KDM2B: variants seen among roughly 807,000 people sequenced by gnomAD.
KDM2B encodes the protein lysine-specific demethylase 2B.
Under a neutral mutation model 150.0 loss-of-function variants are expected in KDM2B, and 26 were observed. The ratio of observed to expected loss-of-function variants is 0.17; its 90% CI spans 0.13 to 0.24. KDM2B has a LOEUF of 0.24. Among genes scored for constraint, KDM2B ranks in the 10% least tolerant of loss-of-function variants. The pLI is 1.00. For missense variants in KDM2B, 1,265 were observed against 1,816.9 expected, an observed-to-expected ratio of 0.70 and a Z score of 5.52; for synonymous variants, 734 against 729.5, an observed-to-expected ratio of 1.01 and a Z score of -0.10.
chr12:121,525,545 C>T (rs959866982), intron 8 of KDM2B, among the ~76,000 whole-genome samples: 1 of 152,166 alleles, frequency 6.6e-6, no homozygotes, highest in African/African-American at 2.4e-5. Context: ...GCCACCGTGC[C>T]ACGCCAGTAC....
At chr12:121,447,191 A>G (rs1235461571) in intron 13 of KDM2B, among the ~76,000 whole-genome samples, 2 of 152,126 alleles carry the variant, frequency 1.3e-5, no homozygotes, top group Non-Finnish European at 2.9e-5. Context: ...TCCCTCCAAA[A>G]CAACATATCA....
At chr12:121,580,364 G>C in intron 1 of KDM2B, 3 of 1,133,088 alleles carry the variant, frequency 2.6e-6, no homozygotes, top group Non-Finnish European at 3.3e-6. Flanking sequence ...GGGCTTGGGG[G>C]GGTGGGGGCG....
At chr12:121,516,436 CG>C (rs781953628) in intron 9 of KDM2B, 1 of 1,271,666 alleles carries the variant, frequency 7.9e-7, no homozygotes, top group Non-Finnish European at 1.0e-6. Context: ...GAGAGGACTG[CG>C]GGAAACAAAA....
chr12:121,547,787 C>T (rs537486358), intron 6 of KDM2B, among the ~76,000 whole-genome samples: 31 of 151,840 alleles, frequency 2.0e-4, no homozygotes, highest in South Asian at 1.2e-3. Flanking sequence ...GAATTACAGG[C>T]GTGCACCACC....
intron 8 of KDM2B, among the ~76,000 whole-genome samples, chr12:121,529,556 G>T (rs953653269): frequency 2.6e-5 from 4 of 152,074 alleles, no homozygotes; most frequent in Non-Finnish European, 5.9e-5. Flanking sequence ...CAAGTACCAC[G>T]AATCTCAGAT....
intron 12 of KDM2B, among the ~76,000 whole-genome samples, chr12:121,456,037 C>T (rs1233590402): frequency 6.6e-6 from 1 of 152,228 alleles, no homozygotes. Flanking sequence ...CTGCGGGCAC[C>T]GTGGCCATCA....
intron 11 of KDM2B, among the ~76,000 whole-genome samples, chr12:121,506,145 G>A (rs1437810244): frequency 6.6e-6 from 1 of 151,814 alleles, no homozygotes; most frequent in Non-Finnish European, 1.5e-5. Flanking sequence ...GAGCAGCTGG[G>A]GCTACAGGCG....
At chr12:121,543,948 C>T (rs1888809923) in intron 6 of KDM2B, among the ~76,000 whole-genome samples, 1 of 151,812 alleles carries the variant, frequency 6.6e-6, no homozygotes, top group Non-Finnish European at 1.5e-5. Context: ...CATGGCGAAA[C>T]CCCATATCTA....
chr12:121,461,244 T>TGACACATTCAAGGAACTGCAAATAGCTC (rs1879079320), intron 12 of KDM2B, among the ~76,000 whole-genome samples: 1 of 152,104 alleles, frequency 6.6e-6, no homozygotes, highest in Non-Finnish European at 1.5e-5. Flanking sequence ...TGAAACTGCG[T>TGACACATTCAAGGAACTGCAAATAGCTC]GACACATTCA....
At position 121,430,600 on chromosome 12, in the gene KDM2B, AAAT is replaced by A. The variant is rs1360407485; in HGVS notation, c.3830-134_3830-132del. ...ATTCCAGTCCCTGCTGTGCTGCACT[AAAT>A]AAAATGTTATTTGCTTAAAATCTCT... On this transcript the variant is annotated intron_variant, in intron 22 of 22. Transcript: ENST00000377071. This position sits in a 1 kb window ranked among gnomAD's most constrained non-coding sequence, Gnocchi z 4.4. The A allele has an allele frequency of 3.3e-5, 22 of 667,892 alleles. No individual in the cohort carries two copies. In the East Asian group the frequency reaches 5.5e-4, roughly 17 times the overall value. The allele number at this position is 667,892 out of a possible 1,614,324, so 41.4% of individuals were successfully genotyped here.
intron 6 of KDM2B, chr12:121,536,224 G>A (rs967428731): frequency 1.7e-5 from 6 of 355,172 alleles, no homozygotes; most frequent in Admixed American, 6.5e-5. Context: ...TGGACCGGGG[G>A]CTCAGCAGTA....
intron 8 of KDM2B, among the ~76,000 whole-genome samples, chr12:121,531,627 G>C (rs1236505591): frequency 6.6e-6 from 1 of 152,182 alleles, no homozygotes; most frequent in Non-Finnish European, 1.5e-5. Flanking sequence ...CTCCTTTCAG[G>C]AGACAATCCT....
At chr12:121,451,051 G>A (rs1185661761) in intron 13 of KDM2B, among the ~76,000 whole-genome samples, 1 of 152,052 alleles carries the variant, frequency 6.6e-6, no homozygotes, top group East Asian at 1.9e-4. Context: ...GTGTGGGTCC[G>A]CTTATATGCC....
intron 14 of KDM2B, 31 bp downstream of exon 14, chr12:121,445,244 C>T: frequency 6.2e-7 from 1 of 1,606,652 alleles, no homozygotes; most frequent in Non-Finnish European, 8.5e-7. Flanking sequence ...CCCAGAGCGT[C>T]AGCACCACCT....
rs1555287736 is a variant in KDM2B, at chr12:121,439,865, T to C, written c.3821A>G (p.Asn1274Ser). 2 of 1,614,094 alleles carry C rather than the reference T, an allele frequency of 1.2e-6. No individual in the cohort carries two copies. Among genetic ancestry groups the C allele is most frequent in the African/African-American group, 1.3e-5 (1 of 75,048 alleles). ...TTTRDSLTEI[N>S]LSDCNKVTDQ... is the part of the protein sequence containing the mutation. Reference sequence around the variant, plus strand: ...GGGGGCCCCTGACTCACCAGACAGGTTGATCTCGGTTAAGGAGTCTCGGGT... The same window carrying C: ...GGGGGCCCCTGACTCACCAGACAGGCTGATCTCGGTTAAGGAGTCTCGGGT... Residue 1274 changes from asparagine to serine, a missense_variant, in exon 22 of 23, where the codon AAC (asparagine) becomes AGC (serine). Asn to Ser is a conservative substitution (Grantham distance 46). This residue lies in a region of KDM2B where 251 missense variants were observed against 397.8 expected (regional missense o/e 0.63). Coordinates refer to ENST00000377071, the MANE Select transcript of KDM2B (RefSeq NM_032590.5).
At position 121,441,253 on chromosome 12, in the gene KDM2B, G is replaced by A. The variant is rs1874971806; in HGVS notation, c.3285-20C>T. The stretch of plus-strand genomic sequence containing the variant: ...CAGCACCTGGGGACCGGCCCCGTGG[G>A]GACACATCGTCAGAGGTGGGGCTCC... On this transcript the variant is annotated intron_variant, in intron 19 of 22. Coordinates refer to ENST00000377071, the MANE Select transcript of KDM2B (RefSeq NM_032590.5). 3 of 1,610,528 alleles carry A rather than the reference G, an allele frequency of 1.9e-6. No homozygotes were observed. Among genetic ancestry groups the A allele is most frequent in the Non-Finnish European group, 2.5e-6 (3 of 1,177,920 alleles).
At chr12:121,571,525 C>G (rs1555315916) in intron 4 of KDM2B, among the ~76,000 whole-genome samples, 1 of 151,406 alleles carries the variant, frequency 6.6e-6, no homozygotes, top group Non-Finnish European at 1.5e-5. Flanking sequence ...AGGTCAGGAC[C>G]TCAAGTGATC....
intron 21 of KDM2B, 52 bp from the exon 22 acceptor site, chr12:121,440,127 G>A: frequency 2.8e-6 from 4 of 1,411,304 alleles, no homozygotes; most frequent in Non-Finnish European, 3.9e-6. Context: ...GAGGAGGCCT[G>A]GTCATGCTGA....
At chr12:121,534,199 A>C (rs542271053) in intron 7 of KDM2B, among the ~76,000 whole-genome samples, 1 of 152,044 alleles carries the variant, frequency 6.6e-6, no homozygotes, top group Non-Finnish European at 1.5e-5. Flanking sequence ...AATACAAAAA[A>C]TTAGCAGGGC....
Sources: allele counts gnomAD v4.1 joint callset (sites outside exome capture counted in the v4.1 genomes callset), GRCh38; gene constraint gnomAD v4.1.1; regional missense constraint gnomAD v4.1.1; non-coding constraint Gnocchi (gnomAD v3.1); transcripts MANE v1.5; gene names NCBI Gene and HGNC (gene_info 2026-07-23, HGNC 2026-07-21).